The following EIF4G3 variants were observed in gnomAD, a reference collection of about 807,000 sequenced individuals.
EIF4G3 encodes eIF-4-gamma 3.
In EIF4G3, 34 loss-of-function variants were observed where a neutral mutation model predicts 186.4. The observed-to-expected ratio is 0.18, with a 90% CI of 0.14 to 0.24. EIF4G3 has a LOEUF of 0.24. EIF4G3 is among the 10% of genes least tolerant of loss of function. EIF4G3 has a pLI of 1.00. For synonymous variants in EIF4G3, 673 were observed against 679.5 expected, an observed-to-expected ratio of 0.99 and a Z score of 0.15; for missense variants, 1,536 against 1,948.5, an observed-to-expected ratio of 0.79 and a Z score of 3.99.
At chr1:21,074,479 A>C (rs558363885) in intron 3 of EIF4G3, among the ~76,000 whole-genome samples, 1 of 152,210 alleles carries the variant, frequency 6.6e-6, no homozygotes. Context: ...AAATACAAAA[A>C]TCTGGATTTC....
intron 3 of EIF4G3, among the ~76,000 whole-genome samples, chr1:21,080,861 A>G (rs2095756017): frequency 6.6e-6 from 1 of 152,186 alleles, no homozygotes; most frequent in African/African-American, 2.4e-5. Context: ...CACAGAATAT[A>G]AATTTCTCCT....
intron 29 of EIF4G3, 55 bp downstream of exon 29, chr1:20,849,360 T>C (rs2072484319): frequency 1.0e-6 from 1 of 973,090 alleles, no homozygotes; most frequent in Non-Finnish European, 1.5e-6. Context: ...AACCAAGTTA[T>C]TCTATACTAT....
chr1:21,018,728 TCTCA>T (rs1165425655), intron 4 of EIF4G3, among the ~76,000 whole-genome samples: 1 of 152,044 alleles, frequency 6.6e-6, no homozygotes, highest in African/African-American at 2.4e-5. Flanking sequence ...TGGAGTGAGT[TCTCA>T]CTTAGTTCCC....
At chr1:21,006,384 C>T (rs2085089638) in intron 4 of EIF4G3, among the ~76,000 whole-genome samples, 1 of 152,308 alleles carries the variant, frequency 6.6e-6, no homozygotes, top group East Asian at 1.9e-4. Flanking sequence ...TCTGTTTGTA[C>T]TTTCCCTTTT....
rs764707876 is a variant in EIF4G3 at position 20,862,262 on chromosome 1, C to T, written c.3077G>A (p.Arg1026Gln). 4 of 1,611,844 alleles carry T rather than the reference C, an allele frequency of 2.5e-6. No homozygotes were observed. The highest frequency in any genetic ancestry group is 3.4e-6 in the Non-Finnish European group (4 of 1,178,688). The change falls in exon 23 of 37, where the codon CGG becomes CAG. Residue 1026 changes from arginine to glutamine, a missense_variant. Around this residue, in one of 11 missense-constraint regions of EIF4G3, gnomAD observed 110 missense variants for 166.2 expected, o/e 0.66. Coordinates refer to ENST00000602326, the MANE Select transcript of EIF4G3 (RefSeq NM_001391906.1). ...VKERKTSSRI[R>Q]FMLQDVIDLR... ...GTCTATAACATCTTGAAGCATGAAC[C>T]GAATCCTAGATGAGGTTTTTCTTTC...
At chr1:20,984,191 G>A (rs981460982) in intron 7 of EIF4G3, among the ~76,000 whole-genome samples, 2 of 151,978 alleles carry the variant, frequency 1.3e-5, no homozygotes. Flanking sequence ...GGGGGAGATG[G>A]AGTCTTGCTC....
At chr1:20,869,357 A>C (rs1302778937) in intron 20 of EIF4G3, among the ~76,000 whole-genome samples, 2 of 141,876 alleles carry the variant, frequency 1.4e-5, no homozygotes, top group African/African-American at 2.7e-5. Flanking sequence ...TATGTTGCCA[A>C]GGCTAGTCTC....
At chr1:20,815,622 C>T (rs1234192424) in intron 34 of EIF4G3, among the ~76,000 whole-genome samples, 2 of 151,306 alleles carry the variant, frequency 1.3e-5, no homozygotes, top group Admixed American at 6.6e-5. Context: ...CCTCTCCGCC[C>T]GGCAGCCACC....
chr1:20,944,286 G>A (rs1438819512), intron 13 of EIF4G3, among the ~76,000 whole-genome samples: 3 of 151,860 alleles, frequency 2.0e-5, no homozygotes, highest in Admixed American at 6.6e-5. Flanking sequence ...AGGCTGAGAC[G>A]GGAGGATCTC....
chr1:21,132,499 A>C (rs2097170720), intron 2 of EIF4G3, among the ~76,000 whole-genome samples: 1 of 152,156 alleles, frequency 6.6e-6, no homozygotes, highest in East Asian at 1.9e-4. Flanking sequence ...GCTAGAGTGC[A>C]GTGGTGCTCA....
chr1:20,822,253 C>A (rs990259799), intron 33 of EIF4G3, among the ~76,000 whole-genome samples: 2 of 151,954 alleles, frequency 1.3e-5, no homozygotes, highest in Admixed American at 1.3e-4. Flanking sequence ...CTGATGTTAC[C>A]GCTTTCATTC....
chr1:20,981,631 TAC>T (rs2078149191), intron 8 of EIF4G3, among the ~76,000 whole-genome samples: 2 of 124,114 alleles, frequency 1.6e-5, no homozygotes, highest in African/African-American at 6.1e-5. Flanking sequence ...CATACATGTA[TAC>T]GCACATACTG....
intron 30 of EIF4G3, among the ~76,000 whole-genome samples, chr1:20,831,609 T>C (rs1038844002): frequency 9.9e-5 from 15 of 151,464 alleles, no homozygotes; most frequent in Non-Finnish European, 2.2e-4. Context: ...ATCTTACTTT[T>C]TCTTTTTTTT....
At chr1:20,866,805 T>C (rs1375627068) in intron 20 of EIF4G3, among the ~76,000 whole-genome samples, 1 of 152,184 alleles carries the variant, frequency 6.6e-6, no homozygotes, top group Non-Finnish European at 1.5e-5. Context: ...TTATATCCAA[T>C]TTGCTGCTTT....
rs2098119631 is a variant in EIF4G3, at chr1:21,176,714, G to C, written c.-456+8C>G. ...ACCCGGCGGGGGCAGGAGGCGGAGA[G>C]ACCGGACCTTTCACGGCAATATCCT... On this transcript the variant is annotated splice_region_variant and intron_variant, in intron 1 of 36. Coordinates refer to ENST00000602326, the MANE Select transcript of EIF4G3 (RefSeq NM_001391906.1). 2 of 674,300 alleles carry C rather than the reference G, an allele frequency of 3.0e-6. No homozygotes were observed. The highest frequency in any genetic ancestry group is 3.7e-5 in the African/African-American group (2 of 54,206). 41.8% of individuals were successfully genotyped at this position (674,300 alleles called of 1,614,324 possible). A position where few individuals can be genotyped will look rare whatever the true frequency, so the allele number is the denominator to read the frequency against.
chr1:20,910,642 C>A (rs762773309), intron 14 of EIF4G3, among the ~76,000 whole-genome samples: 2 of 152,186 alleles, frequency 1.3e-5, no homozygotes, highest in Non-Finnish European at 2.9e-5. Flanking sequence ...TTTAGAAAAT[C>A]CACATAAGGA....
chr1:20,853,418 G>T, intron 27 of EIF4G3, 142 bp downstream of exon 27: 1 of 548,274 alleles, frequency 1.8e-6, no homozygotes, highest in Non-Finnish European at 3.3e-6. Context: ...AGAAATTATA[G>T]TGTGTGAAGA....
At chr1:20,971,556 C>G (rs2154565718) in intron 11 of EIF4G3, among the ~76,000 whole-genome samples, 1 of 152,258 alleles carries the variant, frequency 6.6e-6, no homozygotes, top group South Asian at 2.1e-4. Flanking sequence ...TTGTCATGTC[C>G]TGTTCATTAT....
chr1:21,014,092 C>T (rs973258254), intron 4 of EIF4G3, among the ~76,000 whole-genome samples: 3 of 152,098 alleles, frequency 2.0e-5, no homozygotes, highest in African/African-American at 4.8e-5. Flanking sequence ...TTGCTTGAAC[C>T]TGGGAGGTGG....
Sources: allele counts gnomAD v4.1 joint callset (sites outside exome capture counted in the v4.1 genomes callset), GRCh38; gene constraint gnomAD v4.1.1; regional missense constraint gnomAD v4.1.1; transcripts MANE v1.5; gene names NCBI Gene and HGNC (gene_info 2026-07-23, HGNC 2026-07-21).